PRKAG2: variants seen among roughly 807,000 people sequenced by gnomAD.
PRKAG2 encodes the protein protein kinase AMP-activated non-catalytic subunit gamma 2.
Under a neutral mutation model 69.6 loss-of-function variants are expected in PRKAG2, and 26 were observed. That is an observed-to-expected ratio of 0.37 (90% CI 0.27 to 0.52). PRKAG2 has a LOEUF of 0.52. Ranked by LOEUF, PRKAG2 falls within the 20% of genes least tolerant of loss-of-function variation. PRKAG2 has a pLI of 0.90. For synonymous variants in PRKAG2, 293 were observed against 285.0 expected (o/e 1.03, Z -0.28); for missense variants, 557 against 740.0 (o/e 0.75, Z 2.87).
At chr7:151,846,266 G>A (rs1478772848) in intron 1 of PRKAG2, among the ~76,000 whole-genome samples, 3 of 152,122 alleles carry the variant, frequency 2.0e-5, no homozygotes, top group African/African-American at 4.8e-5. Context: ...TCAGGAGTTC[G>A]AGACCAGTCT....
chr7:151,590,121 G>A (rs1403839524), intron 6 of PRKAG2, among the ~76,000 whole-genome samples: 1 of 152,192 alleles, frequency 6.6e-6, no homozygotes, highest in Non-Finnish European at 1.5e-5. Context: ...ATCTGTGCCT[G>A]TGATGACATT....
At chr7:151,827,916 G>A (rs1170575377) in intron 1 of PRKAG2, among the ~76,000 whole-genome samples, 1 of 152,174 alleles carries the variant, frequency 6.6e-6, no homozygotes, top group Non-Finnish European at 1.5e-5. Flanking sequence ...GCGCTTCCCT[G>A]GGTTCCAGCT....
At chr7:151,798,953 C>G (rs2077690042) in intron 1 of PRKAG2, among the ~76,000 whole-genome samples, 1 of 152,182 alleles carries the variant, frequency 6.6e-6, no homozygotes, top group Admixed American at 6.5e-5. Flanking sequence ...CTTTGACATG[C>G]AGGGTAGCTT....
chr7:151,641,615 G>C (rs1192729973), intron 4 of PRKAG2, among the ~76,000 whole-genome samples: 1 of 151,696 alleles, frequency 6.6e-6, no homozygotes, highest in East Asian at 2.0e-4. Context: ...CACAATCATA[G>C]CTCACTGTAA....
chr7:151,702,215 TA>T (rs1335338356), intron 3 of PRKAG2, among the ~76,000 whole-genome samples: 2 of 152,222 alleles, frequency 1.3e-5, no homozygotes, highest in Non-Finnish European at 2.9e-5. Context: ...AAGCAAAGGT[TA>T]AAAGTTTAAT....
intron 5 of PRKAG2, among the ~76,000 whole-genome samples, chr7:151,596,568 G>C (rs879528484): frequency 3.9e-5 from 6 of 152,032 alleles, no homozygotes; most frequent in Non-Finnish European, 7.4e-5. Context: ...GGCCAATATG[G>C]AGAAACCCCG....
intron 3 of PRKAG2, among the ~76,000 whole-genome samples, chr7:151,711,260 AGAGTGCTAGGCTGAGAGTACT>A (rs72331038): frequency 0.28 from 41,842 of 150,336 alleles, 6,689 homozygotes; most frequent in East Asian, 0.69. Context: ...GAGAGTATGA[AGAGTGCTAGGCTGAGAGTACT>A]GAGTGCTAGG....
chr7:151,612,366 G>C (rs1222272804), intron 5 of PRKAG2, among the ~76,000 whole-genome samples: 3 of 152,276 alleles, frequency 2.0e-5, no homozygotes, highest in African/African-American at 7.2e-5. Flanking sequence ...TTGCTAGAGA[G>C]CTTTTAGGTA....
At chr7:151,594,744 G>T (rs140358312) in intron 6 of PRKAG2, among the ~76,000 whole-genome samples, 7 of 152,198 alleles carry the variant, frequency 4.6e-5, no homozygotes, top group Non-Finnish European at 8.8e-5. Context: ...ACCCCATCTT[G>T]TACTAGCTCT....
intron 1 of PRKAG2, among the ~76,000 whole-genome samples, chr7:151,822,185 C>T (rs1298026414): frequency 6.6e-6 from 1 of 152,194 alleles, no homozygotes; most frequent in Admixed American, 6.5e-5. Context: ...CCTGCAGCCT[C>T]CTCTGGGTGG....
chr7:151,584,026 C>T (rs901058049), intron 6 of PRKAG2, among the ~76,000 whole-genome samples: 3 of 152,136 alleles, frequency 2.0e-5, no homozygotes, highest in Non-Finnish European at 4.4e-5. Flanking sequence ...TTAAAATTAA[C>T]GCTGATATCT....
At chr7:151,761,662 G>A (rs1046152952) in intron 3 of PRKAG2, among the ~76,000 whole-genome samples, 1 of 152,192 alleles carries the variant, frequency 6.6e-6, no homozygotes, top group Non-Finnish European at 1.5e-5. Context: ...TAACTGTCCT[G>A]CATGGCATGA....
At chr7:151,855,113 T>TCC (rs2079694255) in intron 1 of PRKAG2, among the ~76,000 whole-genome samples, 1 of 37,162 alleles carries the variant, frequency 2.7e-5, no homozygotes, top group Non-Finnish European at 4.6e-5. Flanking sequence ...CACACCACCC[T>TCC]ACACACACAC....
intron 4 of PRKAG2, among the ~76,000 whole-genome samples, chr7:151,657,590 T>C (rs1391635865): frequency 6.6e-6 from 1 of 152,176 alleles, no homozygotes; most frequent in African/African-American, 2.4e-5. Context: ...TAAACCTTGG[T>C]TCTTAACTTG....
chr7:151,572,512 G>A (rs1584978521), intron 9 of PRKAG2, 152 bp downstream of exon 9: 1 of 627,390 alleles, frequency 1.6e-6, no homozygotes, highest in East Asian at 2.9e-5. Context: ...TAGTACAGTA[G>A]CATACTATCA....
At chr7:151,823,034 A>T (rs1301914837) in intron 1 of PRKAG2, among the ~76,000 whole-genome samples, 2 of 80,786 alleles carry the variant, frequency 2.5e-5, no homozygotes, top group East Asian at 7.0e-4. Context: ...ACCCCACCCC[A>T]CCCCACCCCA....
chr7:151,632,007 C>G lies in PRKAG2; in HGVS notation c.754+62G>C. 8.3e-7 allele frequency: 1 copy of G among 1,198,214 alleles called. No individual in the cohort carries two copies. The highest frequency in any genetic ancestry group is 4.0e-5 in the East Asian group (1 of 25,178). The allele number at this position is 1,198,214 out of a possible 1,614,324, so 74.2% of individuals were successfully genotyped here. A position where few individuals can be genotyped will look rare whatever the true frequency, so the allele number is the denominator to read the frequency against. ...GATGGGGCGCGGGGTCCCCGCGGGTCCCGGTCCTCGGGCGGCCGGGCCGTG... is the reference window on the plus strand; with the variant it reads ...GATGGGGCGCGGGGTCCCCGCGGGTGCCGGTCCTCGGGCGGCCGGGCCGTG... On this transcript the variant is annotated intron_variant, in intron 5 of 15. Coordinates refer to ENST00000287878, the MANE Select transcript of PRKAG2 (RefSeq NM_016203.4). The surrounding 1 kb of genome is among the most constrained non-coding windows in gnomAD (Gnocchi z 4.2).
chr7:151,867,590 C>A (rs1348470208), intron 1 of PRKAG2, among the ~76,000 whole-genome samples: 1 of 152,176 alleles, frequency 6.6e-6, no homozygotes, highest in Non-Finnish European at 1.5e-5. Context: ...TTAATCACAT[C>A]TGCAAAAACC....
chr7:151,604,870 T>C (rs1319085583), intron 5 of PRKAG2, among the ~76,000 whole-genome samples: 2 of 152,114 alleles, frequency 1.3e-5, no homozygotes, highest in African/African-American at 4.8e-5. Context: ...ATGAGGCACT[T>C]TGGAGGATGC....
Sources: allele counts gnomAD v4.1 joint callset (sites outside exome capture counted in the v4.1 genomes callset), GRCh38; gene constraint gnomAD v4.1.1; non-coding constraint Gnocchi (gnomAD v3.1); transcripts MANE v1.5; gene names NCBI Gene and HGNC (gene_info 2026-07-23, HGNC 2026-07-21).